The following NOL4 variants were observed in gnomAD, a reference collection of about 807,000 sequenced individuals.
The protein encoded by NOL4 is cancer/testis antigen 125.
Under a neutral mutation model 75.9 loss-of-function variants are expected in NOL4, and 17 were observed. The observed-to-expected ratio is 0.22, with a 90% CI of 0.15 to 0.34. The LOEUF (loss-of-function observed/expected upper bound fraction) is 0.34, where lower values mean the gene tolerates loss of function less well. NOL4 is among the 10% of genes least tolerant of loss of function. NOL4 has a pLI of 1.00. For missense variants in NOL4, 614 were observed against 793.5 expected, an observed-to-expected ratio of 0.77 and a Z score of 2.72; for synonymous variants, 292 against 289.9, an observed-to-expected ratio of 1.01 and a Z score of -0.07.
At chr18:33,941,698 G>C (rs796441461) in intron 9 of NOL4, among the ~76,000 whole-genome samples, 5 of 151,816 alleles carry the variant, frequency 3.3e-5, no homozygotes, top group Non-Finnish European at 7.4e-5. Context: ...CTTTCATATG[G>C]AGTAATCAAA....
At chr18:33,952,067 C>A (rs2069270909) in intron 8 of NOL4, among the ~76,000 whole-genome samples, 1 of 152,030 alleles carries the variant, frequency 6.6e-6, no homozygotes, top group African/African-American at 2.4e-5. Context: ...TGGAAATTTC[C>A]TTTTCTTTCT....
At chr18:34,170,388 C>T (rs2032910052) in intron 1 of NOL4, among the ~76,000 whole-genome samples, 1 of 151,882 alleles carries the variant, frequency 6.6e-6, no homozygotes, top group African/African-American at 2.4e-5. Flanking sequence ...AGATGGGTTT[C>T]ACCATGTTGG....
At chr18:34,123,192 GC>G (rs1250295030) in intron 2 of NOL4, among the ~76,000 whole-genome samples, 1 of 151,008 alleles carries the variant, frequency 6.6e-6, no homozygotes, top group Admixed American at 6.6e-5. Flanking sequence ...TATTACTCTG[GC>G]CACTGCGGTG....
intron 9 of NOL4, among the ~76,000 whole-genome samples, chr18:33,927,068 G>A (rs1816333856): frequency 6.6e-6 from 1 of 152,070 alleles, no homozygotes; most frequent in African/African-American, 2.4e-5. Flanking sequence ...TAGAGGAGTT[G>A]GGAACAAGAG....
At chr18:34,044,097 AT>A (rs2076257650) in intron 5 of NOL4, among the ~76,000 whole-genome samples, 1 of 152,040 alleles carries the variant, frequency 6.6e-6, no homozygotes, top group South Asian at 2.1e-4. Flanking sequence ...TCTATAAAAA[AT>A]TGTGTTATTT....
chr18:33,951,062 C>T (rs1012705901), intron 8 of NOL4, among the ~76,000 whole-genome samples: 3 of 152,124 alleles, frequency 2.0e-5, no homozygotes, highest in Admixed American at 1.3e-4. Context: ...TGGAAAAGCA[C>T]AGACAAGAAC....
At chr18:34,220,056 T>G (rs1259790451) in intron 1 of NOL4, among the ~76,000 whole-genome samples, 1 of 152,234 alleles carries the variant, frequency 6.6e-6, no homozygotes, top group Non-Finnish European at 1.5e-5. Context: ...TTATCATCAG[T>G]TAAGTTTAGG....
At chr18:33,963,919 C>T (rs1156821953) in intron 6 of NOL4, among the ~76,000 whole-genome samples, 3 of 152,062 alleles carry the variant, frequency 2.0e-5, no homozygotes, top group Non-Finnish European at 2.9e-5. Flanking sequence ...GACACAGCTG[C>T]GGTTGGGAGC....
chr18:34,171,382 TA>T (rs2033023339), intron 1 of NOL4, among the ~76,000 whole-genome samples: 1 of 152,122 alleles, frequency 6.6e-6, no homozygotes, highest in Admixed American at 6.5e-5. Flanking sequence ...GTTCAAGAAA[TA>T]ATACAAAAGG....
chr18:33,936,085 G>A (rs1490847731), intron 9 of NOL4, among the ~76,000 whole-genome samples: 1 of 152,082 alleles, frequency 6.6e-6, no homozygotes, highest in Admixed American at 6.6e-5. Flanking sequence ...ACACAAAACT[G>A]CAGAATTAAA....
chr18:34,150,011 T>C (rs1568396261), intron 1 of NOL4, among the ~76,000 whole-genome samples: 1 of 151,640 alleles, frequency 6.6e-6, no homozygotes, highest in Admixed American at 6.6e-5. Flanking sequence ...TATTCCTCTA[T>C]TTACTACCTA....
At chr18:33,893,938 C>T (rs1270257526) in intron 9 of NOL4, among the ~76,000 whole-genome samples, 2 of 152,156 alleles carry the variant, frequency 1.3e-5, no homozygotes, top group East Asian at 3.9e-4. Flanking sequence ...CCTCAGTTTG[C>T]CTTTGCTACC....
At chr18:33,997,090 T>C (rs76420331) in intron 6 of NOL4, among the ~76,000 whole-genome samples, 2,503 of 152,060 alleles carry the variant, frequency 0.016, 66 homozygotes, top group African/African-American at 0.056. Flanking sequence ...ATAAGCTCTT[T>C]AGTTTAACTA....
chr18:34,020,836 G>C (rs1195867052), intron 5 of NOL4, among the ~76,000 whole-genome samples: 1 of 151,920 alleles, frequency 6.6e-6, no homozygotes, highest in East Asian at 1.9e-4. Context: ...ATAAAAATTT[G>C]CTACTGATTT....
At chr18:34,121,640 G>A (rs1001217999) in intron 2 of NOL4, among the ~76,000 whole-genome samples, 2 of 152,184 alleles carry the variant, frequency 1.3e-5, no homozygotes, top group Non-Finnish European at 2.9e-5. Flanking sequence ...GTGAGATGAC[G>A]ACAGTGCACT....
chr18:33,992,398 C>T (rs543362250), intron 6 of NOL4, among the ~76,000 whole-genome samples: 8 of 151,968 alleles, frequency 5.3e-5, no homozygotes. Context: ...AGACCCATAC[C>T]TCAGCAAAAT....
chr18:34,077,964 CAAAT>C (rs1432953594), intron 5 of NOL4, among the ~76,000 whole-genome samples: 1 of 152,106 alleles, frequency 6.6e-6, no homozygotes, highest in African/African-American at 2.4e-5. Flanking sequence ...CACAAACTAA[CAAAT>C]AAAATAATTT....
At chr18:33,920,092 C>A (rs2066941797) in intron 9 of NOL4, among the ~76,000 whole-genome samples, 1 of 151,990 alleles carries the variant, frequency 6.6e-6, no homozygotes, top group South Asian at 2.1e-4. Context: ...TTTTAGATTA[C>A]TGTAATTTCT....
chr18:34,183,279 T>C (rs1600818227), intron 1 of NOL4, among the ~76,000 whole-genome samples: 1 of 151,926 alleles, frequency 6.6e-6, no homozygotes, highest in East Asian at 1.9e-4. Context: ...TGGATGCAAA[T>C]AAGCATAGGA....
Sources: gnomAD v4.1 joint callset for allele counts (sites outside exome capture counted in the v4.1 genomes callset) on GRCh38, gnomAD v4.1.1 for gene constraint, MANE v1.5 for transcripts, NCBI Gene and HGNC (gene_info 2026-07-23, HGNC 2026-07-21) for gene names.